ARHGAP15: variants seen among roughly 807,000 people sequenced by gnomAD.
ARHGAP15 encodes the protein Rho GTPase activating protein 15.
A neutral mutation model predicts 63.7 loss-of-function variants in ARHGAP15; 51 were observed. The ratio of observed to expected loss-of-function variants is 0.80; its 90% confidence interval spans 0.64 to 1.01. The LOEUF is 1.01. Among genes scored for constraint, ARHGAP15 ranks in the 50% least tolerant of loss-of-function variants. The pLI is 0.00. For synonymous variants in ARHGAP15, 191 were observed against 193.8 expected, an observed-to-expected ratio of 0.99 and a Z score of 0.12; for missense variants, 560 against 564.6, an observed-to-expected ratio of 0.99 and a Z score of 0.08.
At chr2:143,664,945 A>G (rs1318296567) in intron 12 of ARHGAP15, among the ~76,000 whole-genome samples, 1 of 151,544 alleles carries the variant, frequency 6.6e-6, no homozygotes, top group African/African-American at 2.4e-5. Context: ...AACCAAAAAG[A>G]GTCCAGGACC....
intron 11 of ARHGAP15, among the ~76,000 whole-genome samples, chr2:143,609,172 T>A (rs1042982914): frequency 6.6e-6 from 1 of 152,258 alleles, no homozygotes; most frequent in Non-Finnish European, 1.5e-5. Context: ...ATCTCTTCTT[T>A]AATTCTTAAT....
At position 143,558,886 on chromosome 2, in the gene ARHGAP15, G is replaced by A. The variant is rs527940080; in HGVS notation, c.1003+2401G>A. On this transcript the variant is annotated intron_variant, in intron 11 of 13. Coordinates refer to ENST00000295095, the MANE Select transcript of ARHGAP15 (RefSeq NM_018460.4). ...TGTTTCTAAGAATCTCTATAACTGA[G>A]AATCTCTACAGCTCTGCTTGTTCAC... is the stretch of plus-strand genomic sequence containing the variant. 2.6e-5 allele frequency among the ~76,000 whole-genome samples: 4 copies of A among 152,252 alleles called. No individual in the cohort carries two copies. In the South Asian group the frequency reaches 8.3e-4, roughly 32 times the overall value.
intron 8 of ARHGAP15, among the ~76,000 whole-genome samples, chr2:143,475,520 G>C (rs773579908): frequency 2.6e-5 from 4 of 152,214 alleles, no homozygotes; most frequent in Non-Finnish European, 5.9e-5. Flanking sequence ...TGACATTTCC[G>C]GATATTCGAT....
At chr2:143,314,583 A>G (rs1683610200) in intron 6 of ARHGAP15, 1 of 152,232 alleles carries the variant, frequency 6.6e-6, no homozygotes, top group East Asian at 1.9e-4. Flanking sequence ...GCTCAAAGAT[A>G]AATGAAACTT....
At chr2:143,190,863 C>T (rs1003982158) in intron 2 of ARHGAP15, among the ~76,000 whole-genome samples, 1 of 152,182 alleles carries the variant, frequency 6.6e-6, no homozygotes, top group Non-Finnish European at 1.5e-5. Flanking sequence ...CTCCGCCTCC[C>T]GGGTTCAAGC....
At chr2:143,353,628 C>A (rs1685673131) in intron 6 of ARHGAP15, among the ~76,000 whole-genome samples, 1 of 152,166 alleles carries the variant, frequency 6.6e-6, no homozygotes, top group South Asian at 2.1e-4. Flanking sequence ...TAACGCCTAT[C>A]ATTCTTCAAC....
chr2:143,631,210 G>T (rs142355052), intron 12 of ARHGAP15, among the ~76,000 whole-genome samples: 8 of 152,034 alleles, frequency 5.3e-5, no homozygotes, highest in South Asian at 2.1e-4. Flanking sequence ...AACACAATTT[G>T]TTCAGTTGTT....
At chr2:143,590,633 T>C (rs954933350) in intron 11 of ARHGAP15, among the ~76,000 whole-genome samples, 1 of 152,180 alleles carries the variant, frequency 6.6e-6, no homozygotes. Context: ...GGAATCTAAG[T>C]GCTGATTAGA....
At chr2:143,637,804 G>T (rs1680397387) in intron 12 of ARHGAP15, among the ~76,000 whole-genome samples, 1 of 150,310 alleles carries the variant, frequency 6.7e-6, no homozygotes, top group South Asian at 2.1e-4. Flanking sequence ...AAATCTACAT[G>T]AAAAAAACAA....
intron 6 of ARHGAP15, among the ~76,000 whole-genome samples, chr2:143,350,373 A>G (rs1685503611): frequency 6.6e-6 from 1 of 152,180 alleles, no homozygotes; most frequent in African/African-American, 2.4e-5. Flanking sequence ...ACTCATGAAC[A>G]TAAGAAAACT....
At chr2:143,736,918 C>T (rs1462580548) in intron 13 of ARHGAP15, among the ~76,000 whole-genome samples, 1 of 152,188 alleles carries the variant, frequency 6.6e-6, no homozygotes, top group Non-Finnish European at 1.5e-5. Flanking sequence ...AGAGAAAACA[C>T]TTTAGTAATT....
chr2:143,202,701 T>A (rs1044933770), intron 3 of ARHGAP15, among the ~76,000 whole-genome samples: 3 of 152,056 alleles, frequency 2.0e-5, no homozygotes, highest in Non-Finnish European at 2.9e-5. Context: ...GGGGAGAGGA[T>A]TACATAAGGA....
chr2:143,439,292 G>A (rs551345601), intron 8 of ARHGAP15, among the ~76,000 whole-genome samples: 12 of 151,296 alleles, frequency 7.9e-5, no homozygotes, highest in African/African-American at 2.2e-4. Context: ...GCATGGTGGC[G>A]AGCACCTGTA....
intron 12 of ARHGAP15, among the ~76,000 whole-genome samples, chr2:143,665,208 G>C (rs1207672218): frequency 1.4e-5 from 2 of 146,482 alleles, no homozygotes; most frequent in Non-Finnish European, 3.0e-5. Flanking sequence ...ACATCATAAA[G>C]CTTATCCACC....
chr2:143,400,730 A>C (rs1188994536), intron 6 of ARHGAP15, among the ~76,000 whole-genome samples: 2 of 152,026 alleles, frequency 1.3e-5, no homozygotes, highest in African/African-American at 4.8e-5. Flanking sequence ...CTTCTTATTT[A>C]AATTTTATGC....
chr2:143,300,733 C>T (rs1682856380), intron 6 of ARHGAP15, among the ~76,000 whole-genome samples: 1 of 152,054 alleles, frequency 6.6e-6, no homozygotes, highest in Non-Finnish European at 1.5e-5. Flanking sequence ...CATCCCCTTA[C>T]ATTCCAATGA....
At chr2:143,317,389 C>T (rs935233430) in intron 6 of ARHGAP15, among the ~76,000 whole-genome samples, 11 of 152,092 alleles carry the variant, frequency 7.2e-5, no homozygotes, top group African/African-American at 2.7e-4. Flanking sequence ...AAAATATATG[C>T]TTTTGAGAAA....
chr2:143,730,103 A>G (rs2105481979), intron 13 of ARHGAP15, among the ~76,000 whole-genome samples: 1 of 152,338 alleles, frequency 6.6e-6, no homozygotes, highest in South Asian at 2.1e-4. Context: ...GAAGATAAAG[A>G]CCACCATATA....
At chr2:143,471,687 G>A (rs1336008076) in intron 8 of ARHGAP15, among the ~76,000 whole-genome samples, 1 of 152,086 alleles carries the variant, frequency 6.6e-6, no homozygotes, top group Non-Finnish European at 1.5e-5. Flanking sequence ...CAGGTCAGAG[G>A]AAGAAGCATG....
Sources: gnomAD v4.1 joint callset for allele counts (sites outside exome capture counted in the v4.1 genomes callset) on GRCh38, gnomAD v4.1.1 for gene constraint, MANE v1.5 for transcripts, NCBI Gene and HGNC (gene_info 2026-07-23, HGNC 2026-07-21) for gene names.